Variants in RTKN2 observed in about 807,000 individuals in gnomAD.
RTKN2 encodes the protein rhotekin-2.
In RTKN2, 69 loss-of-function variants were observed where a neutral mutation model predicts 71.5. The ratio of observed to expected loss-of-function variants is 0.96; its 90% confidence interval spans 0.79 to 1.18. The LOEUF is 1.18. RTKN2 is among the 50% of genes most tolerant of loss of function. The pLI, the probability that RTKN2 is intolerant of heterozygous loss-of-function variation, is 0.00. For synonymous variants in RTKN2, 236 were observed against 236.5 expected (o/e 1.00, Z 0.02); for missense variants, 724 against 719.7 (o/e 1.01, Z -0.07).
chr10:62,220,948 C>A (rs1841891581), intron 7 of RTKN2, among the ~76,000 whole-genome samples: 1 of 151,570 alleles, frequency 6.6e-6, no homozygotes, highest in African/African-American at 2.4e-5. Context: ...AATAATGAGG[C>A]AAAATAAAGC....
chr10:62,261,352 G>C (rs1182499319), intron 2 of RTKN2, among the ~76,000 whole-genome samples: 1 of 152,082 alleles, frequency 6.6e-6, no homozygotes, highest in Non-Finnish European at 1.5e-5. Flanking sequence ...GATTAAAATA[G>C]CTATCCCGGC....
At chr10:62,234,808 A>T (rs924670184) in intron 6 of RTKN2, among the ~76,000 whole-genome samples, 1 of 152,178 alleles carries the variant, frequency 6.6e-6, no homozygotes, top group Admixed American at 6.5e-5. Context: ...TAAAAACCAT[A>T]GATAAAAGAC....
At chr10:62,219,178 G>A (rs1278224977) in intron 7 of RTKN2, among the ~76,000 whole-genome samples, 1 of 152,096 alleles carries the variant, frequency 6.6e-6, no homozygotes, top group Non-Finnish European at 1.5e-5. Context: ...ATGGATGATG[G>A]AGACAGGCAG....
At chr10:62,187,607 AC>A (rs1367216502) in intron 8 of RTKN2, among the ~76,000 whole-genome samples, 2 of 152,188 alleles carry the variant, frequency 1.3e-5, no homozygotes, top group African/African-American at 4.8e-5. Context: ...CACATTAGTG[AC>A]CTGGATATAT....
rs774441885 is a variant in RTKN2 at position 62,246,026 on chromosome 10, C to A, written c.289G>T (p.Ala97Ser). ...DVKFESKERTACKGKIAISDI... is the reference protein window; with the variant it reads ...DVKFESKERTSCKGKIAISDI... ...GATATGGCAATCTTTCCTTTACATG[C>A]TGTTCGTTCTTTACTTTCAAATTTC... The change falls in exon 3 of 12, where the codon GCA (alanine) becomes TCA (serine). Residue 97 changes from alanine to serine, a missense_variant. Coordinates refer to ENST00000373789, the MANE Select transcript of RTKN2 (RefSeq NM_145307.4). 1 of 1,595,860 alleles carries A rather than the reference C, an allele frequency of 6.3e-7. No individual in the cohort carries two copies. Among genetic ancestry groups the A allele is most frequent in the Non-Finnish European group, 8.5e-7 (1 of 1,171,016 alleles).
chr10:62,230,935 C>T (rs535464858), intron 6 of RTKN2, among the ~76,000 whole-genome samples: 4 of 152,248 alleles, frequency 2.6e-5, no homozygotes, highest in Non-Finnish European at 4.4e-5. Context: ...GACATAATTG[C>T]TGAATAATCA....
intron 2 of RTKN2, among the ~76,000 whole-genome samples, chr10:62,253,328 TAC>T (rs1187952244): frequency 2.6e-5 from 4 of 152,174 alleles, no homozygotes; most frequent in African/African-American, 9.7e-5. Flanking sequence ...TACCAAATGT[TAC>T]AGAGCATCTT....
At chr10:62,257,680 A>G (rs555074075) in intron 2 of RTKN2, among the ~76,000 whole-genome samples, 1 of 152,368 alleles carries the variant, frequency 6.6e-6, no homozygotes, top group East Asian at 1.9e-4. Context: ...TGCCTATTTC[A>G]GTAAATGGAA....
chr10:62,221,117 ATTAAAT>A (rs1841895854), intron 7 of RTKN2, among the ~76,000 whole-genome samples: 1 of 141,910 alleles, frequency 7.0e-6, no homozygotes, highest in Non-Finnish European at 1.5e-5. Context: ...CTAAATAAAT[ATTAAAT>A]CTAAATAAGT....
At position 62,262,518 on chromosome 10, in the gene RTKN2, T is replaced by C. The variant is rs1269873436; in HGVS notation, c.257+107A>G. ...CTGCTACTTCAGTGTATTTGTTTTT[T>C]AAAACAGTTTGGTGATTTGACATTG... On this transcript the variant is annotated intron_variant, in intron 2 of 11. Coordinates refer to ENST00000373789, the MANE Select transcript of RTKN2 (RefSeq NM_145307.4). 3 of 749,922 alleles carry C rather than the reference T, an allele frequency of 4.0e-6. No homozygotes were observed. The African/African-American group carries it at 5.3e-5, about 13-fold the overall frequency. 46.5% of individuals were successfully genotyped at this position (749,922 alleles called of 1,614,324 possible). A position where few individuals can be genotyped will look rare whatever the true frequency, so the allele number is the denominator to read the frequency against.
At chr10:62,223,437 T>C in intron 6 of RTKN2, 105 bp from the exon 7 acceptor site, 1 of 690,920 alleles carries the variant, frequency 1.4e-6, no homozygotes, top group Non-Finnish European at 2.6e-6. Flanking sequence ...GATTTAAAGA[T>C]AAGCAAAGGA....
chr10:62,230,835 C>A (rs1280903722), intron 6 of RTKN2, among the ~76,000 whole-genome samples: 1 of 152,156 alleles, frequency 6.6e-6, no homozygotes, highest in Non-Finnish European at 1.5e-5. Flanking sequence ...GTTTAAGATA[C>A]TTTTTCCTTT....
chr10:62,229,448 T>A (rs1410961579), intron 6 of RTKN2, among the ~76,000 whole-genome samples: 1 of 152,224 alleles, frequency 6.6e-6, no homozygotes, highest in East Asian at 1.9e-4. Context: ...GTATTATTCT[T>A]AACACACGTA....
chr10:62,218,477 G>T (rs1310387962), intron 7 of RTKN2, among the ~76,000 whole-genome samples, 176 bp from the exon 8 acceptor site: 1 of 152,104 alleles, frequency 6.6e-6, no homozygotes, highest in Non-Finnish European at 1.5e-5. Context: ...CATATTAAGT[G>T]AGAAAATCAA....
At chr10:62,242,480 T>C (rs1200986226) in intron 3 of RTKN2, among the ~76,000 whole-genome samples, 1 of 152,214 alleles carries the variant, frequency 6.6e-6, no homozygotes, top group African/African-American at 2.4e-5. Flanking sequence ...TTATATTTTC[T>C]AATTAGTTAT....
chr10:62,193,620 C>A lies in RTKN2; in HGVS notation c.*4288G>T. 1 of 985,196 alleles carries A rather than the reference C, an allele frequency of 1.0e-6. No individual in the cohort carries two copies. The highest frequency in any genetic ancestry group is 4.7e-5 in the South Asian group (1 of 21,272). The allele number at this position is 985,196 out of a possible 1,614,324, so 61.0% of individuals were successfully genotyped here. On this transcript the variant is annotated 3_prime_UTR_variant, in exon 12 of 12. Coordinates refer to ENST00000373789, the MANE Select transcript of RTKN2 (RefSeq NM_145307.4). ...TGAGCCAGGATTGCTCATTTCTCTC[C>A]CCCACTCTGAGGCGCTCTGCAGGAA...
In RTKN2 at chr10:62,194,401, A is replaced by G. The variant is rs1200880976; in HGVS notation, c.*3507T>C. 2.0e-6 allele frequency: 2 copies of G among 982,116 alleles called. No homozygotes were observed. Among genetic ancestry groups the G allele is most frequent in the African/African-American group, 1.7e-5 (1 of 57,160 alleles). The allele number at this position is 982,116 out of a possible 1,614,324, so 60.8% of individuals were successfully genotyped here. Reference sequence around the variant, plus strand: ...TGTAAGGGGAAAATGTCAACTTTACATTATAATTTAAGACTAACAGTGAAG... The same window carrying G: ...TGTAAGGGGAAAATGTCAACTTTACGTTATAATTTAAGACTAACAGTGAAG... On this transcript the variant is annotated 3_prime_UTR_variant, in exon 12 of 12. Transcript: ENST00000373789.
downstream of RTKN2, among the ~76,000 whole-genome samples, chr10:62,190,418 T>C (rs1260801863): frequency 6.6e-6 from 1 of 152,134 alleles, no homozygotes; most frequent in Non-Finnish European, 1.5e-5. Context: ...ATGGGGATTG[T>C]TAAAATACTA....
At chr10:62,190,438 G>A (rs960930859), downstream of RTKN2, among the ~76,000 whole-genome samples, 1 of 152,174 alleles carries the variant, frequency 6.6e-6, no homozygotes, top group Middle Eastern at 3.4e-3. Flanking sequence ...ACCTCATGGG[G>A]TTAAAACATA....
Sources: gnomAD v4.1 joint callset for allele counts (sites outside exome capture counted in the v4.1 genomes callset) on GRCh38, gnomAD v4.1.1 for gene constraint, MANE v1.5 for transcripts, NCBI Gene and HGNC (gene_info 2026-07-23, HGNC 2026-07-21) for gene names.